Variants in XPO7 observed in about 807,000 individuals in gnomAD.
XPO7 encodes exportin 7, also known as exportin-7.
A neutral mutation model predicts 144.3 loss-of-function variants in XPO7; 21 were observed. That is an observed-to-expected ratio of 0.15 (90% CI 0.10 to 0.21). The LOEUF (loss-of-function observed/expected upper bound fraction) is 0.21. XPO7 is among the 10% of genes least tolerant of loss of function. The pLI, the probability that XPO7 is intolerant of heterozygous loss-of-function variation, is 1.00. For synonymous variants in XPO7, 580 were observed against 499.6 expected (o/e 1.16, Z -2.15); for missense variants, 808 against 1,325.8 (o/e 0.61, Z 6.06).
chr8:21,995,433 T>C, intron 20 of XPO7, 59 bp from the exon 21 acceptor site: 1 of 1,475,238 alleles, frequency 6.8e-7, no homozygotes. Context: ...GCTGAAAAAC[T>C]ATTTTAAATT....
intron 1 of XPO7, among the ~76,000 whole-genome samples, chr8:21,943,339 A>G (rs182975391): frequency 2.6e-5 from 4 of 152,332 alleles, no homozygotes; most frequent in African/African-American, 9.6e-5. Context: ...TTTGAGTGTC[A>G]TGAATTAAAT....
intron 19 of XPO7, among the ~76,000 whole-genome samples, chr8:21,994,033 G>A (rs933341481): frequency 7.2e-6 from 1 of 138,610 alleles, no homozygotes; most frequent in Non-Finnish European, 1.5e-5. Flanking sequence ...TACATGTGAT[G>A]TATTACTTCA....
intron 8 of XPO7, among the ~76,000 whole-genome samples, chr8:21,978,934 A>C (rs1230140346): frequency 3.3e-5 from 5 of 152,236 alleles, no homozygotes; most frequent in Admixed American, 3.3e-4. Context: ...TCCTCAACAG[A>C]GGTCAGCCTC....
Position 22,005,634 on chromosome 8 carries a change from G to A in XPO7, c.*546G>A, listed in dbSNP as rs1163709225. On this transcript the variant is annotated 3_prime_UTR_variant, in exon 28 of 28. Coordinates refer to ENST00000252512, the MANE Select transcript of XPO7 (RefSeq NM_015024.5). ...ATATATTTAGTGACACAGTAGAGAG[G>A]CAAAAAAAAAGCTAAAATTCCAAAT... 5 of 151,588 alleles carry A rather than the reference G, an allele frequency of 3.3e-5. No homozygotes were observed. Among genetic ancestry groups the A allele is most frequent in the South Asian group, 2.1e-4 (1 of 4,806 alleles). 9.4% of individuals were successfully genotyped at this position (151,588 alleles called of 1,614,324 possible).
intron 13 of XPO7, among the ~76,000 whole-genome samples, chr8:21,986,695 T>TG (rs1306199310): frequency 6.6e-6 from 1 of 152,238 alleles, no homozygotes; most frequent in African/African-American, 2.4e-5. Context: ...AACAATGTCT[T>TG]GCAGATTGGT....
At chr8:21,970,958 C>T (rs1322759467) in intron 4 of XPO7, among the ~76,000 whole-genome samples, 1 of 152,212 alleles carries the variant, frequency 6.6e-6, no homozygotes, top group African/African-American at 2.4e-5. Flanking sequence ...TCACCACTCA[C>T]TCACTGACTC....
intron 1 of XPO7, among the ~76,000 whole-genome samples, chr8:21,953,067 T>C (rs913661409): frequency 6.7e-6 from 1 of 149,702 alleles, no homozygotes; most frequent in East Asian, 2.0e-4. Flanking sequence ...TGCATTGGTA[T>C]GGTATATTAA....
intron 5 of XPO7, among the ~76,000 whole-genome samples, chr8:21,973,175 A>G (rs1201043434): frequency 6.6e-6 from 1 of 152,232 alleles, no homozygotes; most frequent in Non-Finnish European, 1.5e-5. Context: ...CTTAACAACT[A>G]ATGTACTATT....
intron 1 of XPO7, among the ~76,000 whole-genome samples, chr8:21,934,701 G>C (rs751468797): frequency 1.3e-5 from 2 of 152,206 alleles, no homozygotes; most frequent in Non-Finnish European, 2.9e-5. Flanking sequence ...CCCAACTGAA[G>C]CTTGGGGAGC....
chr8:22,003,222 C>T lies in XPO7; in HGVS notation c.2947C>T (p.Leu983=), dbSNP rs749975651. 3.9e-5 allele frequency: 63 copies of T among 1,608,656 alleles called. No homozygotes were observed. The highest frequency in any genetic ancestry group is 4.8e-5 in the Non-Finnish European group (57 of 1,177,730). ...AAATTCTCCATTCCATTTTCAGATG[C>T]TGTCCACGGTGCTGAACATCATCAT... The part of the protein sequence containing the change: ...QQHPEMIQQM[L]STVLNIIIFE... Residue 983 remains leucine, a synonymous_variant, in exon 26 of 28, where the codon CTG becomes TTG. Coordinates refer to ENST00000252512, the MANE Select transcript of XPO7 (RefSeq NM_015024.5).
At chr8:21,970,106 T>C in intron 3 of XPO7, 38 bp from the exon 4 acceptor site, 1 of 1,592,152 alleles carries the variant, frequency 6.3e-7, no homozygotes. Flanking sequence ...AGCTTTCTAT[T>C]ATGTGGATTG....
chr8:21,998,866 G>A, intron 22 of XPO7, 29 bp downstream of exon 22: 2 of 1,610,674 alleles, frequency 1.2e-6, no homozygotes, highest in East Asian at 2.2e-5. Flanking sequence ...CATGCCTCTA[G>A]AAGTTAATTC....
At chr8:21,928,219 G>A (rs1190931998) in intron 1 of XPO7, among the ~76,000 whole-genome samples, 1 of 152,194 alleles carries the variant, frequency 6.6e-6, no homozygotes, top group Non-Finnish European at 1.5e-5. Context: ...CTTTCACTCA[G>A]CATAGTAACT....
chr8:21,951,877 T>A (rs1682777492), intron 1 of XPO7, among the ~76,000 whole-genome samples: 1 of 152,200 alleles, frequency 6.6e-6, no homozygotes, highest in South Asian at 2.1e-4. Context: ...ATCCTAATGC[T>A]GTCTCTACAG....
intron 1 of XPO7, among the ~76,000 whole-genome samples, chr8:21,927,422 T>A (rs1385261342): frequency 6.6e-6 from 1 of 152,068 alleles, no homozygotes; most frequent in Non-Finnish European, 1.5e-5. Flanking sequence ...TCCTAAAACC[T>A]GTCCATTCAG....
intron 25 of XPO7, among the ~76,000 whole-genome samples, chr8:22,002,582 G>C (rs538252040): frequency 1.3e-5 from 2 of 152,266 alleles, no homozygotes; most frequent in African/African-American, 4.8e-5. Flanking sequence ...TAGAGCAGGA[G>C]TTAGCAGCAT....
chr8:21,962,584 A>C (rs1214093965), intron 1 of XPO7, among the ~76,000 whole-genome samples: 1 of 152,142 alleles, frequency 6.6e-6, no homozygotes, highest in Non-Finnish European at 1.5e-5. Context: ...TACAGTTGTT[A>C]GGATTTTTTT....
chr8:21,979,074 G>C (rs554368830), intron 8 of XPO7, among the ~76,000 whole-genome samples: 1 of 152,260 alleles, frequency 6.6e-6, no homozygotes, highest in South Asian at 2.1e-4. Flanking sequence ...GTGTTTTTTT[G>C]TTTGTTTGTT....
At chr8:21,982,015 A>G (rs575484717) in intron 10 of XPO7, 138 bp downstream of exon 10, 174 of 1,132,372 alleles carry the variant, frequency 1.5e-4, no homozygotes, top group Admixed American at 4.0e-4. Flanking sequence ...AGTAGTTACT[A>G]TTGTGGCCTG....
Sources: gnomAD v4.1 joint callset for allele counts (sites outside exome capture counted in the v4.1 genomes callset) on GRCh38, gnomAD v4.1.1 for gene constraint, MANE v1.5 for transcripts, NCBI Gene and HGNC (gene_info 2026-07-23, HGNC 2026-07-21) for gene names.